Variants in NEGR1 observed in about 807,000 individuals in gnomAD.
The protein encoded by NEGR1 is IgLON family member 4.
A neutral mutation model predicts 40.9 loss-of-function variants in NEGR1; 10 were observed. The ratio of observed to expected loss-of-function variants is 0.24; its 90% confidence interval spans 0.15 to 0.42. NEGR1 has a LOEUF of 0.42. Among genes scored for constraint, NEGR1 ranks in the 10% least tolerant of loss-of-function variants. NEGR1 has a pLI of 1.00. For synonymous variants in NEGR1, 185 were observed against 166.8 expected (o/e 1.11, Z -0.84); for missense variants, 352 against 438.9 (o/e 0.80, Z 1.77).
At chr1:71,995,393 T>C (rs1646495763) in intron 1 of NEGR1, among the ~76,000 whole-genome samples, 1 of 152,128 alleles carries the variant, frequency 6.6e-6, no homozygotes, top group African/African-American at 2.4e-5. Flanking sequence ...AACATTGCTA[T>C]TCTACACATG....
chr1:71,963,929 G>C (rs1008345953), intron 1 of NEGR1, among the ~76,000 whole-genome samples: 6 of 152,004 alleles, frequency 3.9e-5, no homozygotes, highest in Admixed American at 6.6e-5. Context: ...TAACACAGCT[G>C]TACTCAGGAA....
At chr1:71,904,963 G>A (rs1013734030) in intron 2 of NEGR1, among the ~76,000 whole-genome samples, 3 of 152,020 alleles carry the variant, frequency 2.0e-5, no homozygotes, top group Non-Finnish European at 4.4e-5. Context: ...CAATTCAAAC[G>A]TAATACTGCC....
At chr1:72,221,233 GGATTCTAATCAT>G (rs1218383421) in intron 1 of NEGR1, among the ~76,000 whole-genome samples, 1 of 151,786 alleles carries the variant, frequency 6.6e-6, no homozygotes, top group Non-Finnish European at 1.5e-5. Flanking sequence ...TCTCTTTTAA[GGATTCTAATCAT>G]TGATATTACT....
chr1:71,861,104 T>C (rs1004385881), intron 2 of NEGR1, among the ~76,000 whole-genome samples: 1 of 152,090 alleles, frequency 6.6e-6, no homozygotes. Context: ...TGGATCTGTA[T>C]ATTGAGAATA....
intron 2 of NEGR1, among the ~76,000 whole-genome samples, chr1:71,826,594 G>A (rs947978309): frequency 4.0e-5 from 6 of 151,494 alleles, no homozygotes; most frequent in South Asian, 2.1e-4. Flanking sequence ...TATTATATGC[G>A]AGCCTATGGA....
At chr1:71,659,155 C>G (rs1651973010) in intron 4 of NEGR1, among the ~76,000 whole-genome samples, 1 of 152,184 alleles carries the variant, frequency 6.6e-6, no homozygotes, top group South Asian at 2.1e-4. Context: ...GGATTACAAA[C>G]TGCTTTGAAT....
chr1:71,686,444 A>G (rs891000455), intron 4 of NEGR1, among the ~76,000 whole-genome samples: 3 of 152,132 alleles, frequency 2.0e-5, no homozygotes, highest in African/African-American at 7.2e-5. Context: ...GTTATCTTCA[A>G]CATGTAGCTT....
chr1:71,655,059 C>T (rs1651835640), intron 4 of NEGR1, among the ~76,000 whole-genome samples: 1 of 152,060 alleles, frequency 6.6e-6, no homozygotes, highest in Non-Finnish European at 1.5e-5. Context: ...ATTGAAACTC[C>T]TCCTGTGGAA....
At chr1:72,084,730 A>G (rs1648143090) in intron 1 of NEGR1, among the ~76,000 whole-genome samples, 1 of 152,194 alleles carries the variant, frequency 6.6e-6, no homozygotes, top group Non-Finnish European at 1.5e-5. Flanking sequence ...AGAATTTAAG[A>G]AAATTTTCTA....
chr1:71,501,670 G>T (rs1212292783), intron 6 of NEGR1, among the ~76,000 whole-genome samples: 2 of 152,114 alleles, frequency 1.3e-5, no homozygotes, highest in African/African-American at 4.8e-5. Context: ...CTGGTGACAT[G>T]TCAAAGAATG....
At chr1:72,248,613 T>TATTATTATC (rs1156290952) in intron 1 of NEGR1, among the ~76,000 whole-genome samples, 1 of 147,536 alleles carries the variant, frequency 6.8e-6, no homozygotes, top group Non-Finnish European at 1.5e-5. Flanking sequence ...TTATTATTAT[T>TATTATTATC]ATTTTAGACA....
chr1:72,242,498 T>C (rs1415528604), intron 1 of NEGR1, among the ~76,000 whole-genome samples: 2 of 151,692 alleles, frequency 1.3e-5, no homozygotes, highest in Non-Finnish European at 3.0e-5. Flanking sequence ...TTGACTGATT[T>C]TAGGTCCCTA....
chr1:71,784,666 C>T (rs1656846182), intron 2 of NEGR1, among the ~76,000 whole-genome samples: 1 of 152,140 alleles, frequency 6.6e-6, no homozygotes, highest in Non-Finnish European at 1.5e-5. Flanking sequence ...GTGGAAATTA[C>T]TTTCTTCTAT....
Position 71,398,162 on chromosome 1 carries a change from AG to A in NEGR1, c.*9283del, listed in dbSNP as rs1646224216. On this transcript the variant is annotated 3_prime_UTR_variant, in exon 7 of 7. Transcript: ENST00000357731. ...AGAACCTCTGCTAGGGCAGTGCAGA[AG>A]GAAAATGTGGAGTGAGCCCCACACA... 6.6e-6 allele frequency: 1 copy of A among 152,286 alleles called. No individual in the cohort carries two copies. Among genetic ancestry groups the A allele is most frequent in the Non-Finnish European group, 1.5e-5 (1 of 68,072 alleles). 9.4% of individuals were successfully genotyped at this position (152,286 alleles called of 1,614,324 possible).
intron 5 of NEGR1, among the ~76,000 whole-genome samples, chr1:71,597,472 C>CTGTGTGTGTGTG (rs1553152644): frequency 0.12 from 3,647 of 31,344 alleles, 526 homozygotes; most frequent in Non-Finnish European, 0.17. Flanking sequence ...CTCTCTCTCT[C>CTGTGTGTGTGTG]TGTGTGTGTG....
At chr1:71,795,549 T>A (rs1338935198) in intron 2 of NEGR1, among the ~76,000 whole-genome samples, 2 of 152,118 alleles carry the variant, frequency 1.3e-5, no homozygotes, top group African/African-American at 4.8e-5. Context: ...GGAATCTCTG[T>A]ACTAGAGAAA....
In NEGR1 at chr1:71,827,503, T is replaced by G. The variant is rs147085762; in HGVS notation, c.410-51206A>C. On this transcript the variant is annotated intron_variant, in intron 2 of 6. Coordinates refer to ENST00000357731, the MANE Select transcript of NEGR1 (RefSeq NM_173808.3). The stretch of plus-strand genomic sequence containing the variant: ...TAGATTTTTCCTTACAGTTTGTGAC[T>G]CACTGTTTTCATGGAAAATACAAAA... Among the ~76,000 whole-genome samples the G allele has an allele frequency of 4.5e-4, 69 of 152,012 alleles. 1 individual carries two copies. Among genetic ancestry groups the G allele is most frequent in the African/African-American group, 1.6e-3 (68 of 41,552 alleles).
At chr1:72,188,634 T>G (rs1455412922) in intron 1 of NEGR1, among the ~76,000 whole-genome samples, 3 of 151,502 alleles carry the variant, frequency 2.0e-5, no homozygotes, top group Admixed American at 1.3e-4. Flanking sequence ...ATTTGTAAAT[T>G]GTATACTGTT....
chr1:71,973,090 T>C (rs1297525820), intron 1 of NEGR1, among the ~76,000 whole-genome samples: 5 of 152,102 alleles, frequency 3.3e-5, no homozygotes, highest in Non-Finnish European at 7.4e-5. Flanking sequence ...ACTCAGTTAA[T>C]ATTTTAATTA....
Sources: allele counts gnomAD v4.1 joint callset (sites outside exome capture counted in the v4.1 genomes callset), GRCh38; gene constraint gnomAD v4.1.1; transcripts MANE v1.5; gene names NCBI Gene and HGNC (gene_info 2026-07-23, HGNC 2026-07-21).